Variants in SDC2 observed in about 807,000 individuals in gnomAD.
SDC2 encodes syndecan-2.
In SDC2, 13 loss-of-function variants were observed where a neutral mutation model predicts 22.2. That is an observed-to-expected ratio of 0.59 (90% CI 0.38 to 0.93). SDC2 has a LOEUF of 0.93. Ranked by LOEUF, SDC2 falls within the 40% of genes least tolerant of loss-of-function variation. SDC2 has a pLI of 0.00. For synonymous variants in SDC2, 94 were observed against 92.8 expected, an observed-to-expected ratio of 1.01 and a Z score of -0.07; for missense variants, 235 against 246.8, an observed-to-expected ratio of 0.95 and a Z score of 0.32.
intron 1 of SDC2, among the ~76,000 whole-genome samples, chr8:96,512,289 C>A (rs915685233): frequency 6.6e-6 from 1 of 152,158 alleles, no homozygotes; most frequent in African/African-American, 2.4e-5. Flanking sequence ...TTGATGACAA[C>A]CAGGAGCGAC....
At chr8:96,508,049 C>G (rs947420613) in intron 1 of SDC2, among the ~76,000 whole-genome samples, 1 of 152,100 alleles carries the variant, frequency 6.6e-6, no homozygotes, top group Non-Finnish European at 1.5e-5. Flanking sequence ...GTAATCCCAG[C>G]ACTTTGGGAG....
intron 1 of SDC2, among the ~76,000 whole-genome samples, chr8:96,555,729 C>T (rs1173864404): frequency 6.6e-6 from 1 of 152,124 alleles, no homozygotes; most frequent in Non-Finnish European, 1.5e-5. Context: ...CCAGATAAAA[C>T]TTACTCTTCA....
chr8:96,515,629 A>G (rs970212022), intron 1 of SDC2, among the ~76,000 whole-genome samples: 2 of 152,094 alleles, frequency 1.3e-5, no homozygotes, highest in African/African-American at 4.8e-5. Flanking sequence ...TTTTTTCTGT[A>G]TTTTTGGCTC....
intron 1 of SDC2, among the ~76,000 whole-genome samples, chr8:96,559,172 C>T (rs1015696383): frequency 6.6e-6 from 1 of 152,016 alleles, no homozygotes; most frequent in African/African-American, 2.4e-5. Context: ...ACACAAGGGC[C>T]GATGGTGGCT....
chr8:96,498,166 C>G (rs1365467640), intron 1 of SDC2, among the ~76,000 whole-genome samples: 1 of 152,232 alleles, frequency 6.6e-6, no homozygotes, highest in African/African-American at 2.4e-5. Context: ...GCTGTGCATT[C>G]ATTCTGCAGA....
At chr8:96,554,165 A>C (rs925993101) in intron 1 of SDC2, among the ~76,000 whole-genome samples, 1 of 152,180 alleles carries the variant, frequency 6.6e-6, no homozygotes, top group African/African-American at 2.4e-5. Flanking sequence ...GTAATTGATA[A>C]GATGATATGC....
intron 1 of SDC2, among the ~76,000 whole-genome samples, chr8:96,581,743 G>A (rs1215140386): frequency 6.6e-6 from 1 of 152,206 alleles, no homozygotes; most frequent in Non-Finnish European, 1.5e-5. Context: ...AAGGCAGCAC[G>A]GGAGTGGATT....
intron 1 of SDC2, among the ~76,000 whole-genome samples, chr8:96,591,622 G>A (rs1377494617): frequency 6.6e-6 from 1 of 152,148 alleles, no homozygotes; most frequent in Admixed American, 6.5e-5. Context: ...CTGTTCATAT[G>A]CTACAAAATC....
chr8:96,506,950 G>A (rs1026944211), intron 1 of SDC2, among the ~76,000 whole-genome samples: 8 of 151,220 alleles, frequency 5.3e-5, no homozygotes, highest in Admixed American at 3.3e-4. Context: ...TGGAGATTGC[G>A]GTGAGCCGAG....
chr8:96,528,136 T>A (rs2582824), intron 1 of SDC2, among the ~76,000 whole-genome samples: 35 of 152,302 alleles, frequency 2.3e-4, no homozygotes, highest in African/African-American at 6.3e-4. Context: ...TTGGGTATTT[T>A]AAAAAATCTA....
At chr8:96,515,910 C>G (rs1813394569) in intron 1 of SDC2, among the ~76,000 whole-genome samples, 1 of 152,176 alleles carries the variant, frequency 6.6e-6, no homozygotes, top group South Asian at 2.1e-4. Context: ...CAACTGTGAT[C>G]ATGACACTTT....
intron 1 of SDC2, among the ~76,000 whole-genome samples, chr8:96,516,975 C>A (rs951362055): frequency 6.6e-6 from 1 of 152,096 alleles, no homozygotes; most frequent in Non-Finnish European, 1.5e-5. Context: ...AGTGGAATTT[C>A]TGGGTGATAT....
chr8:96,604,221 CT>C (rs1271910569), intron 3 of SDC2, among the ~76,000 whole-genome samples: 1 of 152,112 alleles, frequency 6.6e-6, no homozygotes, highest in African/African-American at 2.4e-5. Flanking sequence ...AGAGTTCTGT[CT>C]GGTTTGTTAA....
chr8:96,505,284 C>T (rs568509382), intron 1 of SDC2, among the ~76,000 whole-genome samples: 74 of 152,156 alleles, frequency 4.9e-4, no homozygotes, highest in African/African-American at 1.7e-3. Context: ...AGGTCAGCAT[C>T]GGAACCCTAA....
At position 96,494,339 on chromosome 8, in the gene SDC2, G is replaced by C. The variant is rs1324660758; in HGVS notation, c.60+8G>C. On this transcript the variant is annotated splice_region_variant and intron_variant, in intron 1 of 4. Coordinates refer to ENST00000302190, the MANE Select transcript of SDC2 (RefSeq NM_002998.4). The stretch of plus-strand genomic sequence containing the variant: ...TGCGTGTCGGCGGAGTCGGTGAGTG[G>C]GCCAGGCGGAGGATGCGCGCGCCGT... 5.2e-6 allele frequency: 8 copies of C among 1,540,578 alleles called. No homozygotes were observed. Among genetic ancestry groups the C allele is most frequent in the Non-Finnish European group, 7.0e-6 (8 of 1,147,776 alleles).
chr8:96,571,906 T>C (rs1814401645), intron 1 of SDC2, among the ~76,000 whole-genome samples: 1 of 152,202 alleles, frequency 6.6e-6, no homozygotes, highest in Admixed American at 6.5e-5. Context: ...ACTGGGAGCA[T>C]TTATTATTAT....
At chr8:96,522,261 A>C (rs1452412224) in intron 1 of SDC2, among the ~76,000 whole-genome samples, 2 of 152,162 alleles carry the variant, frequency 1.3e-5, no homozygotes, top group African/African-American at 4.8e-5. Flanking sequence ...ATGCCTTGGG[A>C]AGTGCTTTTT....
intron 3 of SDC2, among the ~76,000 whole-genome samples, chr8:96,606,374 A>G (rs944266069): frequency 2.0e-5 from 3 of 152,156 alleles, no homozygotes; most frequent in African/African-American, 4.8e-5. Context: ...TTAAACCTCA[A>G]TGAAGTTGAC....
chr8:96,493,985 CTT>C lies in SDC2; in HGVS notation c.-286_-285del. 2.0e-6 allele frequency: 1 copy of C among 504,400 alleles called. No individual in the cohort carries two copies. Among genetic ancestry groups the C allele is most frequent in the Non-Finnish European group, 3.5e-6 (1 of 289,406 alleles). The allele number at this position is 504,400 out of a possible 1,614,324, so 31.2% of individuals were successfully genotyped here. On this transcript the variant is annotated 5_prime_UTR_variant, in exon 1 of 5. Transcript: ENST00000302190. ...CAAAACCACAGCAGAGCAAGAAGAG[CTT>C]CAGAGAGCAGCCTTCCCGGAGCACC...
Sources: gnomAD v4.1 joint callset for allele counts (sites outside exome capture counted in the v4.1 genomes callset) on GRCh38, gnomAD v4.1.1 for gene constraint, MANE v1.5 for transcripts, NCBI Gene and HGNC (gene_info 2026-07-23, HGNC 2026-07-21) for gene names.